Variants in ZNF804A observed in about 807,000 individuals in gnomAD.
The protein encoded by ZNF804A is zinc finger protein 804A.
A neutral mutation model predicts 16.5 loss-of-function variants in ZNF804A; 2 were observed. That is an observed-to-expected ratio of 0.12 (90% CI 0.05 to 0.38). ZNF804A has a LOEUF of 0.38. Ranked by LOEUF, ZNF804A falls within the 10% of genes least tolerant of loss-of-function variation. The pLI is 0.99. For missense variants in ZNF804A, 1,473 were observed against 1,390.7 expected (o/e 1.06, Z -0.94); for synonymous variants, 534 against 489.6 (o/e 1.09, Z -1.20).
intron 1 of ZNF804A, among the ~76,000 whole-genome samples, chr2:184,755,748 G>A (rs1471876322): frequency 2.0e-5 from 3 of 151,904 alleles, no homozygotes; most frequent in Non-Finnish European, 2.9e-5. Context: ...TGATACATTT[G>A]TAAAAGATGT....
rs1685742733 is a variant in ZNF804A at position 184,933,790 on chromosome 2, G to T, written c.386+57G>T. Reference sequence around the variant, plus strand: ...AAAACATGACCAAAAAAGGGGTATAGGGGGAGTCAGAAATAAAGGGCACAA... The same window carrying T: ...AAAACATGACCAAAAAAGGGGTATATGGGGAGTCAGAAATAAAGGGCACAA... On this transcript the variant is annotated intron_variant, in intron 3 of 3. Coordinates refer to ENST00000302277, the MANE Select transcript of ZNF804A (RefSeq NM_194250.2). 2.0e-6 allele frequency: 3 copies of T among 1,535,704 alleles called. No homozygotes were observed. The East Asian group carries it at 7.0e-5, about 36-fold the overall frequency.
In ZNF804A at chr2:184,939,098, G is replaced by A. The variant is rs555154291; in HGVS notation, c.*72G>A. On this transcript the variant is annotated 3_prime_UTR_variant, in exon 4 of 4. Transcript: ENST00000302277. ...TATGCGTTAAGTGTTCATCTATGTG[G>A]GTACATGGCTATTTAACTGGTGGAA... 858 of 1,527,224 alleles carry A rather than the reference G, an allele frequency of 5.6e-4. 7 individuals carry two copies. The highest frequency in any genetic ancestry group is 3.7e-3 in the Middle Eastern group (21 of 5,658). 94.6% of individuals were successfully genotyped at this position (1,527,224 alleles called of 1,614,324 possible).
At chr2:184,776,120 C>A (rs1694281996) in intron 1 of ZNF804A, among the ~76,000 whole-genome samples, 1 of 151,482 alleles carries the variant, frequency 6.6e-6, no homozygotes, top group Admixed American at 6.6e-5. Context: ...TATACCCTAA[C>A]ATAGTTTCTT....
At chr2:184,794,099 G>T (rs975961412) in intron 1 of ZNF804A, among the ~76,000 whole-genome samples, 2 of 152,262 alleles carry the variant, frequency 1.3e-5, no homozygotes, top group East Asian at 1.9e-4. Context: ...TAGTGGGATT[G>T]CTGTGTTAAA....
chr2:184,919,123 T>A (rs1259863497), intron 2 of ZNF804A, among the ~76,000 whole-genome samples: 1 of 152,180 alleles, frequency 6.6e-6, no homozygotes, highest in Non-Finnish European at 1.5e-5. Flanking sequence ...TGGAATATCA[T>A]AAATGCAGAT....
intron 1 of ZNF804A, among the ~76,000 whole-genome samples, chr2:184,812,510 G>T (rs961740405): frequency 6.6e-6 from 1 of 151,976 alleles, no homozygotes; most frequent in Non-Finnish European, 1.5e-5. Context: ...TTTGACCTTG[G>T]AAGATCACAG....
intron 1 of ZNF804A, among the ~76,000 whole-genome samples, chr2:184,629,456 C>T (rs1413387661): frequency 6.6e-6 from 1 of 151,936 alleles, no homozygotes. Flanking sequence ...TTATATTTTT[C>T]AAAGTTTTAT....
intron 1 of ZNF804A, among the ~76,000 whole-genome samples, chr2:184,653,109 C>T (rs10197925): frequency 0.44 from 67,399 of 151,952 alleles, 16,115 homozygotes; most frequent in African/African-American, 0.62. Context: ...TGGACAAATA[C>T]ACCTTCTCTG....
intron 1 of ZNF804A, among the ~76,000 whole-genome samples, chr2:184,640,072 A>T (rs960199899): frequency 6.6e-6 from 1 of 152,198 alleles, no homozygotes. Context: ...CAGTACACAT[A>T]TAAATCTAGC....
At chr2:184,755,115 C>T (rs1401878127) in intron 1 of ZNF804A, among the ~76,000 whole-genome samples, 1 of 151,744 alleles carries the variant, frequency 6.6e-6, no homozygotes, top group Admixed American at 6.6e-5. Flanking sequence ...TTAAAGAGGA[C>T]CCTTAATTTA....
intron 2 of ZNF804A, among the ~76,000 whole-genome samples, chr2:184,928,062 C>A (rs1027253493): frequency 6.6e-6 from 1 of 152,004 alleles, no homozygotes; most frequent in African/African-American, 2.4e-5. Context: ...CTCCCCATAT[C>A]CACCACAACT....
chr2:184,853,835 G>T (rs1016329931), intron 1 of ZNF804A, among the ~76,000 whole-genome samples: 37 of 148,772 alleles, frequency 2.5e-4, no homozygotes, highest in Non-Finnish European at 4.9e-4. Context: ...AAAAAAAATT[G>T]ATATTACAGG....
At chr2:184,817,110 G>A (rs1288569346) in intron 1 of ZNF804A, among the ~76,000 whole-genome samples, 1 of 151,946 alleles carries the variant, frequency 6.6e-6, no homozygotes, top group East Asian at 1.9e-4. Flanking sequence ...ATTTGGAGAA[G>A]TGGTCATGGT....
At chr2:184,891,971 G>T (rs1684990460) in intron 2 of ZNF804A, among the ~76,000 whole-genome samples, 1 of 152,106 alleles carries the variant, frequency 6.6e-6, no homozygotes, top group Admixed American at 6.5e-5. Flanking sequence ...TTAGAAAAAT[G>T]TGCTCAAGTT....
intron 1 of ZNF804A, among the ~76,000 whole-genome samples, chr2:184,606,636 G>A (rs889105216): frequency 6.6e-6 from 1 of 152,210 alleles, no homozygotes; most frequent in South Asian, 2.1e-4. Flanking sequence ...TACTCTTGAT[G>A]ATGTGGTTTG....
intron 2 of ZNF804A, among the ~76,000 whole-genome samples, chr2:184,903,754 A>C (rs1315557115): frequency 6.6e-6 from 1 of 152,126 alleles, no homozygotes; most frequent in African/African-American, 2.4e-5. Context: ...TACATAGTTA[A>C]TGTATACAAC....
intron 1 of ZNF804A, among the ~76,000 whole-genome samples, chr2:184,796,789 G>A (rs1360687364): frequency 3.3e-5 from 5 of 152,050 alleles, no homozygotes; most frequent in African/African-American, 9.6e-5. Flanking sequence ...CCTTAGCATC[G>A]ACTTTGCTGT....
chr2:184,785,970 G>A (rs1033198688), intron 1 of ZNF804A, among the ~76,000 whole-genome samples: 16 of 152,074 alleles, frequency 1.1e-4, no homozygotes, highest in African/African-American at 3.4e-4. Flanking sequence ...TACTTGTTAC[G>A]TTGGGATGTA....
intron 1 of ZNF804A, among the ~76,000 whole-genome samples, chr2:184,835,731 A>G (rs1695335521): frequency 6.6e-6 from 1 of 151,890 alleles, no homozygotes; most frequent in African/African-American, 2.4e-5. Context: ...GGACTAACAG[A>G]CTCAGACACA....
Sources: allele counts gnomAD v4.1 joint callset (sites outside exome capture counted in the v4.1 genomes callset), GRCh38; gene constraint gnomAD v4.1.1; transcripts MANE v1.5; gene names NCBI Gene and HGNC (gene_info 2026-07-23, HGNC 2026-07-21).